Variants in ARHGEF28 observed in about 807,000 individuals in gnomAD.
The protein encoded by ARHGEF28 is Rho guanine nucleotide exchange factor 28.
In ARHGEF28, 152 loss-of-function variants were observed where a neutral mutation model predicts 206.6. That is an observed-to-expected ratio of 0.74 (90% CI 0.64 to 0.84). ARHGEF28 has a LOEUF of 0.84. ARHGEF28 is among the 40% of genes least tolerant of loss of function. ARHGEF28 has a pLI of 0.00. For synonymous variants in ARHGEF28, 763 were observed against 776.4 expected, an observed-to-expected ratio of 0.98 and a Z score of 0.29; for missense variants, 2,028 against 2,073.2, an observed-to-expected ratio of 0.98 and a Z score of 0.42.
At chr5:73,749,814 G>T (rs1230228293) in intron 2 of ARHGEF28, 23 bp from the exon 3 acceptor site, 3 of 1,612,940 alleles carry the variant, frequency 1.9e-6, no homozygotes, top group Non-Finnish European at 2.5e-6. Flanking sequence ...GTCTGACAAT[G>T]CCCCGACTTA....
At chr5:73,820,690 C>T (rs1422404692) in intron 9 of ARHGEF28, among the ~76,000 whole-genome samples, 1 of 152,142 alleles carries the variant, frequency 6.6e-6, no homozygotes, top group Non-Finnish European at 1.5e-5. Flanking sequence ...GAAACGTCTG[C>T]CATCTGGTCT....
At chr5:73,843,099 T>C (rs893858215) in intron 11 of ARHGEF28, among the ~76,000 whole-genome samples, 16 of 152,140 alleles carry the variant, frequency 1.1e-4, no homozygotes, top group Non-Finnish European at 4.4e-5. Context: ...CACAAAATAG[T>C]CTGTCTGTTT....
chr5:73,629,420 T>G (rs1244850558), intron 1 of ARHGEF28, among the ~76,000 whole-genome samples: 1 of 151,082 alleles, frequency 6.6e-6, no homozygotes, highest in Non-Finnish European at 1.5e-5. Context: ...GTGGGGAGGA[T>G]AGCTTGAGTT....
chr5:73,776,614 T>A lies in ARHGEF28; in HGVS notation c.758T>A (p.Leu253Gln). ...TCATCGGAAACGCTGACCCTGACCC[T>A]GAACCACACAGCCGAGCATTTGTTG... ...IHSSETLTLT[L>Q]NHTAEHLLEA... Residue 253 changes from leucine to glutamine, a missense_variant, in exon 6 of 36, where the codon CTG becomes CAG. Leu to Gln is a moderately radical substitution (Grantham distance 113). Transcript: ENST00000513042. 6.2e-7 allele frequency: 1 copy of A among 1,613,954 alleles called. No individual in the cohort carries two copies.
chr5:73,924,513 A>G (rs1489553848), intron 35 of ARHGEF28, among the ~76,000 whole-genome samples: 1 of 152,196 alleles, frequency 6.6e-6, no homozygotes, highest in East Asian at 1.9e-4. Context: ...TATCACTGTT[A>G]CTATTATATC....
At chr5:73,825,334 A>C (rs985836512) in intron 9 of ARHGEF28, among the ~76,000 whole-genome samples, 1 of 152,244 alleles carries the variant, frequency 6.6e-6, no homozygotes, top group African/African-American at 2.4e-5. Flanking sequence ...AGGCATCTGC[A>C]TATCCAGGGG....
chr5:73,795,257 T>A (rs549235304), intron 8 of ARHGEF28, 74 bp from the exon 9 acceptor site: 1 of 1,391,330 alleles, frequency 7.2e-7, no homozygotes, highest in South Asian at 1.2e-5. Context: ...GTTGTTTTTC[T>A]AGTTCACAAA....
At chr5:73,776,454 G>A in intron 5 of ARHGEF28, 62 bp from the exon 6 acceptor site, 2 of 1,460,166 alleles carry the variant, frequency 1.4e-6, no homozygotes, top group Non-Finnish European at 1.9e-6. Flanking sequence ...GATCCTAAGG[G>A]CTGGGATCCT....
chr5:73,740,433 C>T lies in ARHGEF28; in HGVS notation c.34-9404C>T, dbSNP rs547351732. ...ACACCATCTCTTAGTAGTGCTTGTT[C>T]CTCCTAAGCTGAAGCAATCCTTGTC... On this transcript the variant is annotated intron_variant, in intron 2 of 35. Transcript: ENST00000513042. 1.7e-4 allele frequency among the ~76,000 whole-genome samples: 26 copies of T among 152,254 alleles called. 1 individual carries two copies. Among genetic ancestry groups the T allele is most frequent in the Admixed American group, 7.2e-4 (11 of 15,290 alleles).
rs866461966 is a variant in ARHGEF28, at chr5:73,743,901, C to T, written c.34-5936C>T. Among the ~76,000 whole-genome samples, 5 of 152,094 alleles carry T rather than the reference C, an allele frequency of 3.3e-5. No individual in the cohort carries two copies. In the East Asian group the frequency reaches 5.8e-4, roughly 18 times the overall value. ...AGCTGTAGATAAGTCACTAAATATT[C>T]GTGCATTTGCTGTTTGTTCACTAAC... is the stretch of plus-strand genomic sequence containing the variant. On this transcript the variant is annotated intron_variant, in intron 2 of 35. Transcript: ENST00000513042.
chr5:73,748,985 G>A (rs1751887402), intron 2 of ARHGEF28, among the ~76,000 whole-genome samples: 1 of 152,126 alleles, frequency 6.6e-6, no homozygotes, highest in Non-Finnish European at 1.5e-5. Flanking sequence ...ATACCCGAGA[G>A]CCCCAGCCTG....
chr5:73,830,246 G>A (rs780021830), intron 9 of ARHGEF28, among the ~76,000 whole-genome samples: 2 of 152,120 alleles, frequency 1.3e-5, no homozygotes, highest in Non-Finnish European at 2.9e-5. Context: ...CTGGATTTCA[G>A]AATTGCAGTT....
At chr5:73,761,578 T>C (rs1339411180) in intron 4 of ARHGEF28, among the ~76,000 whole-genome samples, 2 of 152,192 alleles carry the variant, frequency 1.3e-5, no homozygotes, top group African/African-American at 4.8e-5. Flanking sequence ...CTTGACTCTC[T>C]CAAATATAAG....
intron 35 of ARHGEF28, among the ~76,000 whole-genome samples, chr5:73,932,738 A>G (rs974588255): frequency 6.9e-6 from 1 of 145,570 alleles, no homozygotes; most frequent in African/African-American, 2.5e-5. Context: ...ACCTACTACT[A>G]TTATGACCTG....
intron 1 of ARHGEF28, among the ~76,000 whole-genome samples, chr5:73,657,781 A>G (rs941046212): frequency 1.3e-5 from 2 of 152,196 alleles, no homozygotes; most frequent in African/African-American, 2.4e-5. Flanking sequence ...GCTACTGGTC[A>G]TATTTTTCTA....
chr5:73,829,105 G>A (rs192071717), intron 9 of ARHGEF28, among the ~76,000 whole-genome samples: 1 of 152,324 alleles, frequency 6.6e-6, no homozygotes, highest in Non-Finnish European at 1.5e-5. Context: ...ACAGGTGTGT[G>A]AGCCACCGTA....
chr5:73,879,837 TG>T (rs548958020), intron 22 of ARHGEF28, among the ~76,000 whole-genome samples: 2 of 152,144 alleles, frequency 1.3e-5, no homozygotes, highest in African/African-American at 4.8e-5. Context: ...CTGCCCCTAC[TG>T]GGGGGTGCCT....
intron 35 of ARHGEF28, among the ~76,000 whole-genome samples, chr5:73,913,618 G>T (rs1313128465): frequency 2.0e-5 from 3 of 152,180 alleles, no homozygotes; most frequent in African/African-American, 7.2e-5. Context: ...ACAGGAAGAA[G>T]CAGGCTCCAG....
chr5:73,674,887 A>C (rs529202754), intron 1 of ARHGEF28, among the ~76,000 whole-genome samples: 13 of 152,258 alleles, frequency 8.5e-5, no homozygotes, highest in African/African-American at 2.6e-4. Flanking sequence ...CACCCAGGGG[A>C]GGGTAGGGAA....
Sources: allele counts gnomAD v4.1 joint callset (sites outside exome capture counted in the v4.1 genomes callset), GRCh38; gene constraint gnomAD v4.1.1; transcripts MANE v1.5; gene names NCBI Gene and HGNC (gene_info 2026-07-23, HGNC 2026-07-21).